Variants in FMNL2 observed in about 807,000 individuals in gnomAD.
FMNL2 encodes formin-like protein 2.
In FMNL2, 51 loss-of-function variants were observed where a neutral mutation model predicts 130.2. The ratio of observed to expected loss-of-function variants is 0.39; its 90% CI spans 0.31 to 0.49. FMNL2 has a LOEUF of 0.49. FMNL2 is among the 20% of genes least tolerant of loss of function. The probability of loss-of-function intolerance (pLI) is 0.85; values close to 1 mark genes in which losing one functional copy is unlikely to be tolerated. For missense variants in FMNL2, 977 were observed against 1,316.2 expected, an observed-to-expected ratio of 0.74 and a Z score of 3.99; for synonymous variants, 465 against 467.1, an observed-to-expected ratio of 1.00 and a Z score of 0.06.
intron 1 of FMNL2, among the ~76,000 whole-genome samples, chr2:152,473,579 A>G (rs1377708729): frequency 6.6e-6 from 1 of 152,224 alleles, no homozygotes; most frequent in East Asian, 1.9e-4. Context: ...GATAATTGAG[A>G]AAATCATGGG....
chr2:152,374,147 T>C (rs2105870794), intron 1 of FMNL2, among the ~76,000 whole-genome samples: 1 of 152,304 alleles, frequency 6.6e-6, no homozygotes, highest in Non-Finnish European at 1.5e-5. Flanking sequence ...TAAATGAATG[T>C]TCCCAAATGA....
intron 23 of FMNL2, among the ~76,000 whole-genome samples, chr2:152,638,579 C>T (rs1682817226): frequency 6.6e-6 from 1 of 152,220 alleles, no homozygotes; most frequent in African/African-American, 2.4e-5. Flanking sequence ...ATTCTTAGCC[C>T]ATCTTCCCTC....
At chr2:152,498,678 GATA>G (rs1691647366) in intron 1 of FMNL2, among the ~76,000 whole-genome samples, 1 of 152,104 alleles carries the variant, frequency 6.6e-6, no homozygotes, top group Admixed American at 6.5e-5. Context: ...TTTTACTGAC[GATA>G]ATGTTTTTGT....
chr2:152,546,313 T>A lies in FMNL2; in HGVS notation c.283-2708T>A, dbSNP rs552829259. Among the ~76,000 whole-genome samples the A allele has an allele frequency of 2.0e-5, 3 of 152,232 alleles. No individual in the cohort carries two copies. In the East Asian group the frequency reaches 5.8e-4, roughly 29 times the overall value. ...GTGTGGTGCTGGCATTTGCTTCTAG[T>A]GAGGGCCTCGGGGTTTACAATCATG... On this transcript the variant is annotated intron_variant, in intron 3 of 25. Transcript: ENST00000288670.
At chr2:152,607,016 T>TGTTTTTTTTTTG (rs60685654) in intron 9 of FMNL2, among the ~76,000 whole-genome samples, 1 of 141,376 alleles carries the variant, frequency 7.1e-6, no homozygotes, top group Non-Finnish European at 1.5e-5. Flanking sequence ...GTTTTTTTTT[T>TGTTTTTTTTTTG]TTTTTTTTAC....
intron 22 of FMNL2, among the ~76,000 whole-genome samples, chr2:152,637,138 G>T (rs1476820662): frequency 6.6e-6 from 1 of 152,224 alleles, no homozygotes; most frequent in Non-Finnish European, 1.5e-5. Flanking sequence ...AGTGTCCCCT[G>T]TGTGAGGCTG....
chr2:152,406,518 C>T (rs1401164064), intron 1 of FMNL2, among the ~76,000 whole-genome samples: 2 of 152,198 alleles, frequency 1.3e-5, no homozygotes, highest in African/African-American at 4.8e-5. Context: ...TTGATAGCTC[C>T]ATCAAGATGG....
At chr2:152,518,221 G>C (rs1558931523) in intron 1 of FMNL2, among the ~76,000 whole-genome samples, 1 of 152,194 alleles carries the variant, frequency 6.6e-6, no homozygotes, top group Non-Finnish European at 1.5e-5. Flanking sequence ...CCTCTGTAGA[G>C]TGTCTGATTT....
intron 21 of FMNL2, among the ~76,000 whole-genome samples, chr2:152,635,119 T>C (rs1682482623): frequency 6.6e-6 from 1 of 152,204 alleles, no homozygotes; most frequent in African/African-American, 2.4e-5. Flanking sequence ...TAAAAAGTTT[T>C]CTCTCAGCTT....
chr2:152,470,712 C>T (rs994030286), intron 1 of FMNL2, among the ~76,000 whole-genome samples: 34 of 152,146 alleles, frequency 2.2e-4, no homozygotes, highest in African/African-American at 7.2e-4. Context: ...GATCATATGC[C>T]GGATTTGAAT....
intron 11 of FMNL2, among the ~76,000 whole-genome samples, chr2:152,614,122 C>T (rs1490618946): frequency 1.3e-5 from 2 of 152,204 alleles, no homozygotes; most frequent in Non-Finnish European, 2.9e-5. Flanking sequence ...CTACTGGAAC[C>T]ACTGTAACTA....
chr2:152,560,656 T>G (rs1183695915), intron 5 of FMNL2, among the ~76,000 whole-genome samples: 8 of 152,222 alleles, frequency 5.3e-5, no homozygotes, highest in Admixed American at 5.2e-4. Context: ...TTGCTGCTCA[T>G]TGTTCCATTA....
chr2:152,368,853 T>C (rs1683710935), intron 1 of FMNL2, among the ~76,000 whole-genome samples: 1 of 152,220 alleles, frequency 6.6e-6, no homozygotes, highest in South Asian at 2.1e-4. Context: ...CTCCTGACTT[T>C]TGAAGGTCAG....
intron 1 of FMNL2, among the ~76,000 whole-genome samples, chr2:152,375,281 C>T (rs1025899075): frequency 1.3e-5 from 2 of 152,206 alleles, no homozygotes; most frequent in African/African-American, 4.8e-5. Flanking sequence ...CCCTGTCCAC[C>T]ATTCCCTGCT....
At chr2:152,550,511 T>C (rs1173669878) in intron 4 of FMNL2, among the ~76,000 whole-genome samples, 1 of 152,066 alleles carries the variant, frequency 6.6e-6, no homozygotes, top group Non-Finnish European at 1.5e-5. Context: ...AGAAGGTGAG[T>C]GAATTGCACA....
At chr2:152,524,229 A>T (rs779477620) in intron 2 of FMNL2, among the ~76,000 whole-genome samples, 35 of 152,204 alleles carry the variant, frequency 2.3e-4, no homozygotes, top group Non-Finnish European at 1.5e-4. Context: ...AAATTCCAGA[A>T]ATTCTGTCCC....
At chr2:152,502,515 T>C (rs551960095) in intron 1 of FMNL2, among the ~76,000 whole-genome samples, 1 of 152,186 alleles carries the variant, frequency 6.6e-6, no homozygotes. Flanking sequence ...GGTGAAACCA[T>C]GTCTCTACTA....
intron 1 of FMNL2, among the ~76,000 whole-genome samples, chr2:152,345,107 T>G (rs1340383652): frequency 6.6e-6 from 1 of 152,246 alleles, no homozygotes; most frequent in Non-Finnish European, 1.5e-5. Flanking sequence ...TAGCAATTAT[T>G]GTTTCATTTT....
intron 1 of FMNL2, among the ~76,000 whole-genome samples, chr2:152,436,964 C>T (rs1268932512): frequency 6.6e-6 from 1 of 152,156 alleles, no homozygotes; most frequent in African/African-American, 2.4e-5. Flanking sequence ...ACACATTTCT[C>T]ACAGTCCTGG....
Sources: gnomAD v4.1 joint callset for allele counts (sites outside exome capture counted in the v4.1 genomes callset) on GRCh38, gnomAD v4.1.1 for gene constraint, MANE v1.5 for transcripts, NCBI Gene and HGNC (gene_info 2026-07-23, HGNC 2026-07-21) for gene names.